UBR3: variants seen among roughly 807,000 people sequenced by gnomAD.
UBR3 encodes E3 ubiquitin-protein ligase UBR3.
In UBR3, 85 loss-of-function variants were observed where a neutral mutation model predicts 243.2. The observed-to-expected ratio is 0.35, with a 90% confidence interval of 0.29 to 0.42. The LOEUF (loss-of-function observed/expected upper bound fraction) is 0.42. Among genes scored for constraint, UBR3 ranks in the 10% least tolerant of loss-of-function variants. The pLI is 1.00. For missense variants in UBR3, 1,686 were observed against 2,300.8 expected (o/e 0.73, Z 5.47); for synonymous variants, 748 against 799.8 (o/e 0.94, Z 1.09).
intron 5 of UBR3, among the ~76,000 whole-genome samples, chr2:169,882,104 T>A (rs1259701008): frequency 3.1e-5 from 4 of 128,826 alleles, no homozygotes; most frequent in Non-Finnish European, 6.2e-5. Context: ...CACATATATA[T>A]TTATATTATA....
intron 24 of UBR3, among the ~76,000 whole-genome samples, chr2:169,968,491 T>G (rs2087931215): frequency 6.6e-6 from 1 of 152,168 alleles, no homozygotes; most frequent in South Asian, 2.1e-4. Context: ...ACATAATGAC[T>G]TCCAGTTCCA....
At chr2:169,847,117 G>A (rs1481996279) in intron 1 of UBR3, among the ~76,000 whole-genome samples, 1 of 45,808 alleles carries the variant, frequency 2.2e-5, no homozygotes, top group Admixed American at 3.7e-4. Context: ...GTGTGTGTGT[G>A]TGTGTGTGCG....
chr2:170,055,678 T>C (rs896816558), intron 33 of UBR3, 94 bp downstream of exon 33: 3 of 1,453,576 alleles, frequency 2.1e-6, no homozygotes, highest in Non-Finnish European at 2.8e-6. Context: ...ACAAAATGAG[T>C]TATTGGTATT....
chr2:169,905,967 T>C (rs1036835089), intron 9 of UBR3, 64 bp from the exon 10 acceptor site: 3 of 1,514,342 alleles, frequency 2.0e-6, no homozygotes, highest in Non-Finnish European at 2.7e-6. Flanking sequence ...GAAATGTACT[T>C]GATATTTAAC....
At chr2:169,964,040 C>T (rs2087700011) in intron 24 of UBR3, among the ~76,000 whole-genome samples, 1 of 151,956 alleles carries the variant, frequency 6.6e-6, no homozygotes. Context: ...TACTTTCCTA[C>T]AAAACAAAGA....
At position 170,028,785 on chromosome 2, in the gene UBR3, A is replaced by G. The variant is rs575155117; in HGVS notation, c.4454-561A>G. 1.7e-4 allele frequency among the ~76,000 whole-genome samples: 26 copies of G among 151,264 alleles called. No homozygotes were observed. In the South Asian group the frequency reaches 5.4e-3, roughly 31 times the overall value. Reference sequence around the variant, plus strand: ...AAGCCAAGATTGGTAGATTATTGTTATAATTCAGGTAGAATAAATTTAAAT... The same window carrying G: ...AAGCCAAGATTGGTAGATTATTGTTGTAATTCAGGTAGAATAAATTTAAAT... On this transcript the variant is annotated intron_variant, in intron 30 of 38. Coordinates refer to ENST00000272793, the MANE Select transcript of UBR3 (RefSeq NM_172070.4).
intron 35 of UBR3, among the ~76,000 whole-genome samples, chr2:170,072,905 T>A (rs2091730073): frequency 1.3e-5 from 2 of 152,266 alleles, no homozygotes; most frequent in South Asian, 4.1e-4. Context: ...CTCTGGTACT[T>A]TTATTAGCAA....
At chr2:170,022,571 C>G (rs2090419126) in intron 30 of UBR3, among the ~76,000 whole-genome samples, 1 of 152,072 alleles carries the variant, frequency 6.6e-6, no homozygotes, top group African/African-American at 2.4e-5. Context: ...GGGAACCTAA[C>G]CTAACTTTTT....
intron 30 of UBR3, among the ~76,000 whole-genome samples, chr2:170,016,678 A>G (rs953543168): frequency 1.3e-5 from 2 of 151,874 alleles, no homozygotes; most frequent in African/African-American, 4.8e-5. Context: ...TTAAAAATCT[A>G]CTTATTTTTT....
At chr2:169,869,534 G>A (rs1485202005) in intron 1 of UBR3, among the ~76,000 whole-genome samples, 2 of 151,938 alleles carry the variant, frequency 1.3e-5, no homozygotes, top group Non-Finnish European at 2.9e-5. Flanking sequence ...GATTGATAAG[G>A]ATGTAATAGT....
chr2:169,876,083 T>A, intron 3 of UBR3, 134 bp downstream of exon 3: 1 of 743,732 alleles, frequency 1.3e-6, no homozygotes, highest in Non-Finnish European at 1.9e-6. Flanking sequence ...TAAGAGAACT[T>A]CTTTTTTTTT....
chr2:169,906,592 C>T (rs1414310699), intron 10 of UBR3, among the ~76,000 whole-genome samples: 1 of 151,894 alleles, frequency 6.6e-6, no homozygotes, highest in Admixed American at 6.6e-5. Flanking sequence ...TGATGGGTCT[C>T]CAGAAACCTT....
At chr2:170,070,660 T>G (rs894180158) in intron 35 of UBR3, among the ~76,000 whole-genome samples, 1 of 152,118 alleles carries the variant, frequency 6.6e-6, no homozygotes, top group African/African-American at 2.4e-5. Flanking sequence ...GTACAAAAAT[T>G]TCACTGTATT....
At chr2:169,986,817 A>T in intron 25 of UBR3, 23 bp downstream of exon 25, 1 of 1,612,760 alleles carries the variant, frequency 6.2e-7, no homozygotes, top group Non-Finnish European at 8.5e-7. Flanking sequence ...TAATTTTTTC[A>T]TGGGAACATT....
intron 19 of UBR3, among the ~76,000 whole-genome samples, chr2:169,936,044 A>AT (rs1383226115): frequency 2.0e-5 from 3 of 151,914 alleles, no homozygotes; most frequent in Non-Finnish European, 2.9e-5. Flanking sequence ...ATACAAACCA[A>AT]TTTATTTATT....
chr2:170,026,377 C>G (rs1186862517), intron 30 of UBR3, among the ~76,000 whole-genome samples: 1 of 151,900 alleles, frequency 6.6e-6, no homozygotes, highest in Non-Finnish European at 1.5e-5. Context: ...TTTGTACAAA[C>G]CATGTATGTA....
chr2:170,032,325 CAAAG>C (rs1172536170), intron 31 of UBR3, among the ~76,000 whole-genome samples: 2 of 152,014 alleles, frequency 1.3e-5, no homozygotes, highest in Non-Finnish European at 2.9e-5. Flanking sequence ...AGAAATGACA[CAAAG>C]GAACACTGGG....
chr2:169,958,655 C>T, intron 24 of UBR3, 129 bp downstream of exon 24: 3 of 723,196 alleles, frequency 4.1e-6, no homozygotes, highest in Non-Finnish European at 6.6e-6. Context: ...GGTCCTTAAA[C>T]AATATAGTGA....
rs146906717 is a variant in UBR3, at chr2:169,830,673, G to A, written c.545+2621G>A. On this transcript the variant is annotated intron_variant, in intron 1 of 38. Coordinates refer to ENST00000272793, the MANE Select transcript of UBR3 (RefSeq NM_172070.4). ...TTATCTTTTTTTTTTTCCTTAATAT[G>A]CTATTCTTATTTGGGCCTTTGTTTC... Among the ~76,000 whole-genome samples, 735 of 149,536 alleles carry A rather than the reference G, an allele frequency of 4.9e-3. 4 individuals are homozygous for A. The highest frequency in any genetic ancestry group is 0.017 in the African/African-American group (700 of 40,566).
Sources: allele counts gnomAD v4.1 joint callset (sites outside exome capture counted in the v4.1 genomes callset), GRCh38; gene constraint gnomAD v4.1.1; transcripts MANE v1.5; gene names NCBI Gene and HGNC (gene_info 2026-07-23, HGNC 2026-07-21).